Variants in LRMDA observed in about 807,000 individuals in gnomAD.
The protein encoded by LRMDA is leucine-rich melanocyte differentiation-associated protein.
In LRMDA, 18 loss-of-function variants were observed where a neutral mutation model predicts 29.8. That is an observed-to-expected ratio of 0.60 (90% CI 0.42 to 0.90). LRMDA has a LOEUF of 0.90. Among genes scored for constraint, LRMDA ranks in the 40% least tolerant of loss-of-function variants. LRMDA has a pLI of 0.00. For synonymous variants in LRMDA, 125 were observed against 109.4 expected (o/e 1.14, Z -0.89); for missense variants, 273 against 273.9 (o/e 1.00, Z 0.02).
intron 2 of LRMDA, among the ~76,000 whole-genome samples, chr10:75,640,784 C>A (rs11001449): frequency 0.66 from 99,516 of 151,868 alleles, 33,587 homozygotes; most frequent in South Asian, 0.74. Context: ...TTTTTTTAAA[C>A]AAAACAAAAC....
chr10:75,917,566 G>A (rs1019496485), intron 2 of LRMDA, among the ~76,000 whole-genome samples: 15 of 152,190 alleles, frequency 9.9e-5, no homozygotes, highest in Non-Finnish European at 2.1e-4. Flanking sequence ...ATCCGGAATC[G>A]GGAGAGTGTG....
At chr10:76,556,451 A>G (rs1222338682) in intron 6 of LRMDA, 1 of 152,066 alleles carries the variant, frequency 6.6e-6, no homozygotes, top group Non-Finnish European at 1.5e-5. Context: ...TCCCGGGTTC[A>G]CGCCATTCTC....
intron 2 of LRMDA, among the ~76,000 whole-genome samples, chr10:75,648,969 T>C (rs1841564216): frequency 6.6e-6 from 1 of 152,200 alleles, no homozygotes; most frequent in Non-Finnish European, 1.5e-5. Context: ...ATGTAACCCA[T>C]TGTTTTAAAC....
chr10:76,376,432 TACAC>T (rs755720447), intron 6 of LRMDA, among the ~76,000 whole-genome samples: 3 of 152,052 alleles, frequency 2.0e-5, no homozygotes, highest in East Asian at 1.9e-4. Flanking sequence ...CTACTATAGA[TACAC>T]ACACACAGCA....
At chr10:76,419,246 C>T (rs985302104) in intron 6 of LRMDA, among the ~76,000 whole-genome samples, 7 of 152,036 alleles carry the variant, frequency 4.6e-5, no homozygotes, top group Admixed American at 2.6e-4. Flanking sequence ...TATTCTATCC[C>T]TCCCTCCTAA....
intron 2 of LRMDA, among the ~76,000 whole-genome samples, chr10:75,442,381 T>C (rs1844336423): frequency 6.6e-6 from 1 of 152,232 alleles, no homozygotes; most frequent in African/African-American, 2.4e-5. Flanking sequence ...TCTTGATCTA[T>C]TTTGAGTTGA....
intron 2 of LRMDA, among the ~76,000 whole-genome samples, chr10:75,706,800 C>T (rs1483310175): frequency 6.7e-6 from 1 of 148,424 alleles, no homozygotes; most frequent in African/African-American, 2.5e-5. Context: ...GGCCATCCAG[C>T]TTTTACGGAG....
rs183813018 is a variant in LRMDA at position 75,834,482 on chromosome 10, A to C, written c.132-201526A>C. Among the ~76,000 whole-genome samples the C allele has an allele frequency of 2.3e-3, 352 of 152,254 alleles. 3 individuals are homozygous for C. In the South Asian group the frequency reaches 0.028, roughly 12 times the overall value. On this transcript the variant is annotated intron_variant, in intron 2 of 6. Transcript: ENST00000611255. Reference sequence around the variant, plus strand: ...ACCTTCTTTGCAATCTGAATAGCTGAGCATTTCCCAAATCATCAAGTCCTG... The same window carrying C: ...ACCTTCTTTGCAATCTGAATAGCTGCGCATTTCCCAAATCATCAAGTCCTG...
chr10:75,960,350 T>A (rs547244606), intron 2 of LRMDA, among the ~76,000 whole-genome samples: 1 of 152,246 alleles, frequency 6.6e-6, no homozygotes, highest in South Asian at 2.1e-4. Flanking sequence ...TAAGCAGCAA[T>A]GTTTAAAAAC....
chr10:75,756,223 C>G (rs577649531), intron 2 of LRMDA, among the ~76,000 whole-genome samples: 1 of 152,310 alleles, frequency 6.6e-6, no homozygotes, highest in African/African-American at 2.4e-5. Context: ...TTCCTTGCAA[C>G]TAGGAGCTAG....
intron 2 of LRMDA, among the ~76,000 whole-genome samples, chr10:75,929,260 G>A (rs1350722232): frequency 1.3e-5 from 2 of 151,936 alleles, no homozygotes; most frequent in African/African-American, 4.8e-5. Context: ...GTATACATGT[G>A]TAAGTGCATA....
At chr10:76,245,279 G>A (rs985379277) in intron 5 of LRMDA, among the ~76,000 whole-genome samples, 5 of 152,170 alleles carry the variant, frequency 3.3e-5, no homozygotes, top group African/African-American at 1.2e-4. Flanking sequence ...GTCCTATTGA[G>A]GATCCTGTGT....
At chr10:75,811,267 A>G (rs1843954884) in intron 2 of LRMDA, among the ~76,000 whole-genome samples, 1 of 152,122 alleles carries the variant, frequency 6.6e-6, no homozygotes, top group Non-Finnish European at 1.5e-5. Context: ...CCTCTCCTTC[A>G]TGGGCAAGCT....
chr10:75,662,867 G>A (rs1003708542), intron 2 of LRMDA, among the ~76,000 whole-genome samples: 7 of 152,270 alleles, frequency 4.6e-5, no homozygotes, highest in Non-Finnish European at 7.4e-5. Flanking sequence ...CTCACTTTTC[G>A]TTTGGTAAAG....
chr10:76,362,759 G>C lies in LRMDA; in HGVS notation c.601+38274G>C, dbSNP rs1004396293. Among the ~76,000 whole-genome samples, 8 of 152,110 alleles carry C rather than the reference G, an allele frequency of 5.3e-5. 1 individual carries two copies. Among genetic ancestry groups the C allele is most frequent in the Middle Eastern group, 6.8e-3 (2 of 294 alleles). On this transcript the variant is annotated intron_variant, in intron 6 of 6. Transcript: ENST00000611255. Reference sequence around the variant, plus strand: ...TCTTTGATTTCTACCTAGAAAATGGGGGTAAGTTGGAAGACTTAGATGAGT... The same window carrying C: ...TCTTTGATTTCTACCTAGAAAATGGCGGTAAGTTGGAAGACTTAGATGAGT...
At chr10:76,327,754 A>T (rs1219436222) in intron 6 of LRMDA, among the ~76,000 whole-genome samples, 1 of 152,192 alleles carries the variant, frequency 6.6e-6, no homozygotes, top group East Asian at 1.9e-4. Context: ...GGGGGTGAAC[A>T]CACTAAAGGG....
intron 4 of LRMDA, among the ~76,000 whole-genome samples, chr10:76,048,717 G>A (rs983348060): frequency 6.6e-6 from 1 of 152,126 alleles, no homozygotes; most frequent in Non-Finnish European, 1.5e-5. Context: ...TTTAGAATTC[G>A]GAGACACTCA....
chr10:76,521,470 T>C (rs557504394), intron 6 of LRMDA, among the ~76,000 whole-genome samples: 2 of 152,332 alleles, frequency 1.3e-5, no homozygotes, highest in South Asian at 4.1e-4. Flanking sequence ...CAATGGTCCA[T>C]AGAGTCAATA....
rs1031831654 is a variant in LRMDA, at chr10:76,136,905, C to T, written c.516+78122C>T. On this transcript the variant is annotated intron_variant, in intron 5 of 6. Coordinates refer to ENST00000611255, the MANE Select transcript of LRMDA (RefSeq NM_001305581.2). ...ATGTTAAGGATACCTATATGTCAGGCCCTAACCAAAGGAGGTTTGTGGAAC... is the reference window on the plus strand; with the variant it reads ...ATGTTAAGGATACCTATATGTCAGGTCCTAACCAAAGGAGGTTTGTGGAAC... Among the ~76,000 whole-genome samples the T allele has an allele frequency of 3.3e-5, 5 of 152,274 alleles. No individual in the cohort carries two copies. The East Asian group carries it at 9.6e-4, about 29-fold the overall frequency.
Sources: gnomAD v4.1 joint callset for allele counts (sites outside exome capture counted in the v4.1 genomes callset) on GRCh38, gnomAD v4.1.1 for gene constraint, MANE v1.5 for transcripts, NCBI Gene and HGNC (gene_info 2026-07-23, HGNC 2026-07-21) for gene names.